Variants in GRAMD1B observed in about 807,000 individuals in gnomAD.
GRAMD1B encodes the protein protein Aster-B.
Under a neutral mutation model 99.7 loss-of-function variants are expected in GRAMD1B, and 37 were observed. The ratio of observed to expected loss-of-function variants is 0.37; its 90% CI spans 0.29 to 0.49. GRAMD1B has a LOEUF of 0.49. Among genes scored for constraint, GRAMD1B ranks in the 20% least tolerant of loss-of-function variants. GRAMD1B has a pLI of 0.98. For missense variants in GRAMD1B, 888 were observed against 1,009.2 expected (o/e 0.88, Z 1.63); for synonymous variants, 427 against 387.6 (o/e 1.10, Z -1.19).
intron 2 of GRAMD1B, among the ~76,000 whole-genome samples, chr11:123,507,297 T>A (rs1197674948): frequency 1.3e-5 from 2 of 152,166 alleles, no homozygotes; most frequent in African/African-American, 4.8e-5. Flanking sequence ...GGTGGGGGTA[T>A]GATTGATTAC....
At chr11:123,608,075 T>A (rs1952988143) in intron 11 of GRAMD1B, 1 of 163,806 alleles carries the variant, frequency 6.1e-6, no homozygotes, top group Non-Finnish European at 1.3e-5. Flanking sequence ...GAAGCTGTAA[T>A]CCTAAGTTTA....
intron 12 of GRAMD1B, 138 bp from the exon 13 acceptor site, chr11:123,609,657 C>T (rs1400004317): frequency 1.7e-6 from 1 of 601,708 alleles, no homozygotes; most frequent in Non-Finnish European, 3.0e-6. Flanking sequence ...TCCCCCCGGC[C>T]CTCGGGCTCC....
Position 123,627,521 on chromosome 11 carries a change from G to A in GRAMD1B, c.*4926G>A, listed in dbSNP as rs1299878135. The A allele has an allele frequency of 3.3e-5, 5 of 152,414 alleles. No individual in the cohort carries two copies. The highest frequency in any genetic ancestry group is 7.2e-5 in the African/African-American group (3 of 41,486). The allele number at this position is 152,414 out of a possible 1,614,324, so 9.4% of individuals were successfully genotyped here. On this transcript the variant is annotated 3_prime_UTR_variant, in exon 20 of 20. Coordinates refer to ENST00000635736, the MANE Select transcript of GRAMD1B (RefSeq NM_001387025.1). ...ACGTGGGGTGGAGTGGGGTGAGGCA[G>A]AGGGAGCAGCCCCAACACCTGCACT...
intron 2 of GRAMD1B, among the ~76,000 whole-genome samples, chr11:123,562,151 C>A (rs1390261826): frequency 6.6e-6 from 1 of 152,118 alleles, no homozygotes; most frequent in African/African-American, 2.4e-5. Flanking sequence ...GAGTTCAAGA[C>A]CAGCCTGGGC....
rs745607376 is a variant in GRAMD1B at position 123,609,856 on chromosome 11, C to T, written c.1719C>T (p.Tyr573=). The change falls in exon 13 of 20, where the codon TAC becomes TAT. Residue 573 remains tyrosine (Y), a synonymous_variant. Coordinates refer to ENST00000635736, the MANE Select transcript of GRAMD1B (RefSeq NM_001387025.1). ...GAAACCAGAGCCGAGTGATTCTTTA[C>T]ACCATCACCCTTACCAACCCTCTGG... ...ENGNQSRVIL[Y]TITLTNPLAP... 4.4e-6 allele frequency: 7 copies of T among 1,604,690 alleles called. No homozygotes were observed. Among genetic ancestry groups the T allele is most frequent in the Non-Finnish European group, 6.0e-6 (7 of 1,175,496 alleles).
intron 1 of GRAMD1B, among the ~76,000 whole-genome samples, chr11:123,411,715 A>G (rs1948058878): frequency 6.6e-6 from 1 of 152,088 alleles, no homozygotes; most frequent in African/African-American, 2.4e-5. Context: ...AGTGCAGAAC[A>G]TGGCTCACTG....
chr11:123,440,641 GTGT>G (rs1267955040), intron 1 of GRAMD1B, among the ~76,000 whole-genome samples: 1 of 152,218 alleles, frequency 6.6e-6, no homozygotes, highest in East Asian at 1.9e-4. Flanking sequence ...TGATCTGTTT[GTGT>G]TGTTATAAAG....
intron 2 of GRAMD1B, among the ~76,000 whole-genome samples, chr11:123,554,388 T>A (rs1322195668): frequency 6.6e-6 from 1 of 151,536 alleles, no homozygotes; most frequent in Non-Finnish European, 1.5e-5. Flanking sequence ...ACAGGGAAAA[T>A]TTAATATTAA....
At chr11:123,601,109 T>C (rs951548384) in intron 8 of GRAMD1B, among the ~76,000 whole-genome samples, 1 of 152,058 alleles carries the variant, frequency 6.6e-6, no homozygotes, top group Non-Finnish European at 1.5e-5. Flanking sequence ...AATATGAGCC[T>C]TGGATGGGCT....
intron 4 of GRAMD1B, among the ~76,000 whole-genome samples, chr11:123,586,851 G>A (rs1950128504): frequency 6.6e-6 from 1 of 152,282 alleles, no homozygotes; most frequent in East Asian, 1.9e-4. Flanking sequence ...ACCTCTCTCC[G>A]GATCCCAGGG....
At chr11:123,448,618 C>T (rs1949745178) in intron 1 of GRAMD1B, among the ~76,000 whole-genome samples, 1 of 152,184 alleles carries the variant, frequency 6.6e-6, no homozygotes, top group African/African-American at 2.4e-5. Flanking sequence ...TTTTCCTGGG[C>T]CTTAGGCTTA....
chr11:123,573,852 T>G, intron 2 of GRAMD1B, among the ~76,000 whole-genome samples: 1 of 152,142 alleles, frequency 6.6e-6, no homozygotes, highest in South Asian at 2.1e-4. Context: ...GCCAAGGGTA[T>G]GAAGACTGTC....
intron 1 of GRAMD1B, among the ~76,000 whole-genome samples, chr11:123,361,225 G>A (rs908850497): frequency 6.6e-6 from 1 of 152,066 alleles, no homozygotes; most frequent in African/African-American, 2.4e-5. Context: ...CTCACTGGTG[G>A]GCCCTCTCAA....
At chr11:123,493,666 T>G (rs1373416988) in intron 2 of GRAMD1B, among the ~76,000 whole-genome samples, 1 of 152,164 alleles carries the variant, frequency 6.6e-6, no homozygotes, top group Non-Finnish European at 1.5e-5. Flanking sequence ...GTGTTCAGCT[T>G]GTTCCAGCTG....
intron 19 of GRAMD1B, among the ~76,000 whole-genome samples, chr11:123,620,587 CA>C (rs773801739): frequency 5.3e-5 from 8 of 150,496 alleles, no homozygotes; most frequent in Admixed American, 2.0e-4. Flanking sequence ...TATTTTAAAC[CA>C]AAAGGGGACA....
At chr11:123,504,368 T>A (rs1397298463) in intron 2 of GRAMD1B, among the ~76,000 whole-genome samples, 1 of 152,206 alleles carries the variant, frequency 6.6e-6, no homozygotes, top group Admixed American at 6.5e-5. Flanking sequence ...TAGCTGAGTG[T>A]GCAGTACTAG....
chr11:123,544,642 A>T (rs1944885920), intron 2 of GRAMD1B, among the ~76,000 whole-genome samples: 1 of 152,132 alleles, frequency 6.6e-6, no homozygotes, highest in Non-Finnish European at 1.5e-5. Flanking sequence ...TTCCCTCCAC[A>T]TCAGCCATTC....
chr11:123,447,422 C>A (rs1340948331), intron 1 of GRAMD1B, among the ~76,000 whole-genome samples: 2 of 152,144 alleles, frequency 1.3e-5, no homozygotes, highest in Admixed American at 6.5e-5. Context: ...CTCAGGGAGC[C>A]CATATTCATC....
At chr11:123,533,276 A>C (rs1443666219) in intron 2 of GRAMD1B, among the ~76,000 whole-genome samples, 1 of 151,276 alleles carries the variant, frequency 6.6e-6, no homozygotes, top group Admixed American at 6.6e-5. Flanking sequence ...TGGCCTGTTT[A>C]TTAATTCTTA....
Sources: allele counts gnomAD v4.1 joint callset (sites outside exome capture counted in the v4.1 genomes callset), GRCh38; gene constraint gnomAD v4.1.1; transcripts MANE v1.5; gene names NCBI Gene and HGNC (gene_info 2026-07-23, HGNC 2026-07-21).